The following KLHL13 variants were observed in gnomAD, a reference collection of about 807,000 sequenced individuals.
The protein encoded by KLHL13 is kelch like family member 13.
In KLHL13, 10 loss-of-function variants were observed where a neutral mutation model predicts 37.1. That is an observed-to-expected ratio of 0.27 (90% confidence interval 0.17 to 0.46). The LOEUF is 0.46. Among genes scored for constraint, KLHL13 ranks in the 20% least tolerant of loss-of-function variants. KLHL13 has a pLI of 1.00. For synonymous variants in KLHL13, 163 were observed against 181.2 expected (o/e 0.90, Z 0.81); for missense variants, 360 against 509.3 (o/e 0.71, Z 2.82).
At chrX:118,111,992 C>CT (rs1299337876) in intron 1 of KLHL13, among the ~76,000 whole-genome samples, 1 of 111,979 alleles carries the variant, frequency 8.9e-6, no homozygotes, top group Non-Finnish European at 1.9e-5. Flanking sequence ...TCTATTACCC[C>CT]TTTTTTACAT....
At chrX:117,934,671 T>C (rs1932684457) in intron 2 of KLHL13, among the ~76,000 whole-genome samples, 1 of 110,088 alleles carries the variant, frequency 9.1e-6, no homozygotes, top group African/African-American at 3.3e-5. Flanking sequence ...AAAATATATA[T>C]ATACACATAT....
At chrX:117,973,808 T>A, upstream of KLHL13, 1 of 566,102 alleles carries the variant, frequency 1.8e-6, no homozygotes, top group Non-Finnish European at 2.0e-6. Flanking sequence ...CCCTTTCCCC[T>A]CTTGTTCACC....
chrX:117,898,814 A>T, exon 7 of KLHL13: 14 of 931,365 alleles, frequency 1.5e-5, no homozygotes, highest in Non-Finnish European at 2.1e-5. Context: ...CCAGAGGGTA[A>T]TCCTAACATA....
intron 1 of KLHL13, among the ~76,000 whole-genome samples, chrX:118,034,536 A>G (rs1459421089): frequency 8.7e-4 from 79 of 91,164 alleles, no homozygotes; most frequent in African/African-American, 3.7e-3. Context: ...ATGTTCTTTG[A>G]AACCAACGAG....
intron 1 of KLHL13, among the ~76,000 whole-genome samples, chrX:118,108,843 G>A (rs186531634): frequency 4.5e-5 from 5 of 110,775 alleles, no homozygotes; most frequent in Non-Finnish European, 7.6e-5. Context: ...GTCTCACTCC[G>A]TCACCCAGAC....
intron 1 of KLHL13, among the ~76,000 whole-genome samples, chrX:118,096,275 C>T (rs1346302917): frequency 2.7e-5 from 3 of 111,581 alleles, no homozygotes; most frequent in East Asian, 5.6e-4. Context: ...GAAATACAAA[C>T]TACCATCAGA....
At chrX:118,033,323 T>C (rs1335610750) in intron 1 of KLHL13, among the ~76,000 whole-genome samples, 2 of 110,142 alleles carry the variant, frequency 1.8e-5, no homozygotes, top group African/African-American at 6.6e-5. Flanking sequence ...AAGGAAAAAA[T>C]GTTAAGGGCA....
chrX:118,087,802 C>T (rs1173992535), intron 1 of KLHL13, among the ~76,000 whole-genome samples: 1 of 111,522 alleles, frequency 9.0e-6, no homozygotes, highest in Non-Finnish European at 1.9e-5. Flanking sequence ...TCTTCCCTCA[C>T]TGTACCAGCT....
intron 1 of KLHL13, among the ~76,000 whole-genome samples, chrX:117,965,958 A>G (rs1404387910): frequency 1.8e-5 from 2 of 111,682 alleles, no homozygotes; most frequent in Admixed American, 1.9e-4. Context: ...ATACTGAATG[A>G]ACAAAAACTG....
intron 1 of KLHL13, among the ~76,000 whole-genome samples, chrX:118,096,469 G>C (rs889921174): frequency 8.0e-5 from 9 of 111,803 alleles, no homozygotes; most frequent in African/African-American, 2.9e-4. Context: ...TCCAGGATCA[G>C]ATGGATTCAC....
intron 1 of KLHL13, among the ~76,000 whole-genome samples, chrX:118,114,062 C>T (rs1245971519): frequency 3.6e-5 from 4 of 111,936 alleles, no homozygotes; most frequent in African/African-American, 1.3e-4. Context: ...GAAATAATTC[C>T]TGGAAATTTG....
intron 1 of KLHL13, among the ~76,000 whole-genome samples, chrX:118,105,453 G>C (rs776925927): frequency 3.5e-5 from 4 of 112,712 alleles, no homozygotes; most frequent in Non-Finnish European, 7.5e-5. Context: ...TCTGTAAAGT[G>C]GGGCTAATAA....
chrX:118,075,815 G>A (rs987081980), intron 1 of KLHL13, among the ~76,000 whole-genome samples: 9 of 111,897 alleles, frequency 8.0e-5, no homozygotes, highest in African/African-American at 2.6e-4. Context: ...CTTATTATCA[G>A]GAGATATTCT....
intron 1 of KLHL13, among the ~76,000 whole-genome samples, chrX:118,062,190 T>C (rs959719603): frequency 4.5e-5 from 5 of 111,050 alleles, no homozygotes; most frequent in Admixed American, 9.6e-5. Flanking sequence ...TTGTTCTCTA[T>C]CACAATATAG....
At chrX:117,994,363 C>G (rs1426142787) in intron 1 of KLHL13, among the ~76,000 whole-genome samples, 1 of 110,472 alleles carries the variant, frequency 9.1e-6, no homozygotes. Flanking sequence ...AAGTGATCCT[C>G]CCACCTTAGT....
intron 4 of KLHL13, among the ~76,000 whole-genome samples, chrX:117,917,092 A>G (rs933357140): frequency 7.2e-5 from 8 of 111,658 alleles, no homozygotes; most frequent in Non-Finnish European, 1.3e-4. Flanking sequence ...AAAAAAACAG[A>G]ATGCATGAAA....
chrX:117,924,747 G>C (rs1250102624), intron 2 of KLHL13, among the ~76,000 whole-genome samples: 1 of 110,633 alleles, frequency 9.0e-6, no homozygotes, highest in East Asian at 2.8e-4. Flanking sequence ...TTTAAGAGGG[G>C]TTTGTCTGTC....
chrX:118,093,627 T>C (rs939654077), intron 1 of KLHL13, among the ~76,000 whole-genome samples: 2 of 111,879 alleles, frequency 1.8e-5, no homozygotes, highest in African/African-American at 3.2e-5. Flanking sequence ...TTCAATCAGA[T>C]TGGAAACCAA....
At chrX:117,907,582 A>C (rs1930633969) in intron 5 of KLHL13, among the ~76,000 whole-genome samples, 1 of 111,760 alleles carries the variant, frequency 8.9e-6, no homozygotes, top group Admixed American at 9.6e-5. Context: ...CAGATACCGC[A>C]AATTTAAAAT....
Sources: allele counts gnomAD v4.1 joint callset (sites outside exome capture counted in the v4.1 genomes callset), GRCh38; gene constraint gnomAD v4.1.1; transcripts MANE v1.5; gene names NCBI Gene and HGNC (gene_info 2026-07-23, HGNC 2026-07-21).